Variants in PCDHGB7 observed in about 807,000 individuals in gnomAD.
The protein encoded by PCDHGB7 is protocadherin gamma subfamily B, 7.
In PCDHGB7, 37 loss-of-function variants were observed where a neutral mutation model predicts 61.4. The ratio of observed to expected loss-of-function variants is 0.60; its 90% confidence interval spans 0.46 to 0.79. The LOEUF (loss-of-function observed/expected upper bound fraction) is 0.79, where lower values mean the gene tolerates loss of function less well. Ranked by LOEUF, PCDHGB7 falls within the 30% of genes least tolerant of loss-of-function variation. PCDHGB7 has a pLI of 0.00. For missense variants in PCDHGB7, 1,166 were observed against 1,202.5 expected, an observed-to-expected ratio of 0.97 and a Z score of 0.45; for synonymous variants, 464 against 503.5, an observed-to-expected ratio of 0.92 and a Z score of 1.05.
At chr5:141,494,075 C>T (rs1482844644) in intron 1 of PCDHGB7, among the ~76,000 whole-genome samples, 7 of 152,322 alleles carry the variant, frequency 4.6e-5, no homozygotes, top group East Asian at 1.9e-4. Context: ...GATCCCTCCC[C>T]GCTGCATCCC....
At chr5:141,494,979 T>C in intron 2 of PCDHGB7, 114 bp downstream of exon 2, 1 of 1,571,464 alleles carries the variant, frequency 6.4e-7, no homozygotes, top group Admixed American at 1.8e-5. Flanking sequence ...TCCCTCAGTT[T>C]GAGATCCCAG....
At position 141,430,831 on chromosome 5, in the gene PCDHGB7, G is replaced by A; in HGVS notation, c.2415+10557G>A. ...TGGGAATCCTCCTGGGGACTCTGTGGGAGACCGGATGCACCCAGATACGCT... is the reference window on the plus strand; with the variant it reads ...TGGGAATCCTCCTGGGGACTCTGTGAGAGACCGGATGCACCCAGATACGCT... On this transcript the variant is annotated intron_variant, in intron 1 of 3. Coordinates refer to ENST00000398594, the MANE Select transcript of PCDHGB7 (RefSeq NM_018927.4). 3 of 1,555,334 alleles carry A rather than the reference G, an allele frequency of 1.9e-6. No individual in the cohort carries two copies. In the South Asian group the frequency reaches 3.8e-5, roughly 19 times the overall value.
intron 1 of PCDHGB7, chr5:141,423,616 G>A: frequency 6.2e-7 from 1 of 1,609,594 alleles, no homozygotes; most frequent in Admixed American, 1.7e-5. Context: ...GATAGCTGAA[G>A]ACTCAGCTAT....
chr5:141,491,714 C>T lies in PCDHGB7; in HGVS notation c.2416-3093C>T, dbSNP rs1321811999. 2 of 1,608,744 alleles carry T rather than the reference C, an allele frequency of 1.2e-6. No individual in the cohort carries two copies. Among genetic ancestry groups the T allele is most frequent in the Non-Finnish European group, 1.7e-6 (2 of 1,177,916 alleles). The stretch of plus-strand genomic sequence containing the variant: ...GAGCGGAGCCAGGTGAGGGGCTCGG[C>T]GCCGCCCCGGGCGACCCCTGGGGGC... On this transcript the variant is annotated intron_variant, in intron 1 of 3. Coordinates refer to ENST00000398594, the MANE Select transcript of PCDHGB7 (RefSeq NM_018927.4). The surrounding 1 kb of genome is among the most constrained non-coding windows in gnomAD (Gnocchi z 6.9).
rs2099388737 is a variant in PCDHGB7 at position 141,476,307 on chromosome 5, G to T, written c.2416-18500G>T. 1 of 1,613,606 alleles carries T rather than the reference G, an allele frequency of 6.2e-7. No individual in the cohort carries two copies. The highest frequency in any genetic ancestry group is 1.3e-5 in the African/African-American group (1 of 74,728). ...TTGGATCTCGGTAGCCTCTCAGCCC[G>T]CAGGTTCCGGGTGGTGTCTGGAGCT... On this transcript the variant is annotated intron_variant, in intron 1 of 3. Coordinates refer to ENST00000398594, the MANE Select transcript of PCDHGB7 (RefSeq NM_018927.4). The surrounding 1 kb of genome is among the most constrained non-coding windows in gnomAD (Gnocchi z 7.6).
At position 141,432,325 on chromosome 5, in the gene PCDHGB7, C is replaced by T. The variant is rs752180978; in HGVS notation, c.2415+12051C>T. ...TGTATGCGCTGAGCTCCTTCGACTACGAGCAGTTCCGAGACTTGCAAGTGA... is the reference window on the plus strand; with the variant it reads ...TGTATGCGCTGAGCTCCTTCGACTATGAGCAGTTCCGAGACTTGCAAGTGA... On this transcript the variant is annotated intron_variant, in intron 1 of 3. Coordinates refer to ENST00000398594, the MANE Select transcript of PCDHGB7 (RefSeq NM_018927.4). The surrounding 1 kb of genome is among the most constrained non-coding windows in gnomAD (Gnocchi z 6.0). 68 of 1,614,142 alleles carry T rather than the reference C, an allele frequency of 4.2e-5. No individual in the cohort carries two copies. Among genetic ancestry groups the T allele is most frequent in the Non-Finnish European group, 5.2e-5 (61 of 1,180,050 alleles).
At chr5:141,423,367 G>A (rs1478466218) in intron 1 of PCDHGB7, 2 of 1,614,068 alleles carry the variant, frequency 1.2e-6, no homozygotes, top group Admixed American at 1.7e-5. Context: ...CGTGCTGCTG[G>A]CACTCAGGCT....
intron 1 of PCDHGB7, among the ~76,000 whole-genome samples, chr5:141,484,685 T>G (rs2099599013): frequency 6.6e-6 from 1 of 151,934 alleles, no homozygotes; most frequent in Non-Finnish European, 1.5e-5. Flanking sequence ...TTGCTAGGGC[T>G]CAGGCTGTGG....
In PCDHGB7 at chr5:141,490,084, G is replaced by A. The variant is rs772917260; in HGVS notation, c.2416-4723G>A. The A allele has an allele frequency of 4.3e-6, 7 of 1,614,104 alleles. No individual in the cohort carries two copies. ...CAACGGCCAACTAGACTATTCTTTT[G>A]GAGACCACACATCTGAGGCAGTGCG... On this transcript the variant is annotated intron_variant, in intron 1 of 3. Transcript: ENST00000398594. The surrounding 1 kb of genome is among the most constrained non-coding windows in gnomAD (Gnocchi z 5.4).
rs2096147308 is a variant in PCDHGB7 at position 141,417,682 on chromosome 5, AAAAG to A, written c.-174_-171del. 2 of 1,035,494 alleles carry A rather than the reference AAAAG, an allele frequency of 1.9e-6. No homozygotes were observed. The highest frequency in any genetic ancestry group is 2.7e-6 in the Non-Finnish European group (2 of 741,808). The allele number at this position is 1,035,494 out of a possible 1,614,324, so 64.1% of individuals were successfully genotyped here. On this transcript the variant is annotated 5_prime_UTR_variant, in exon 1 of 4. Coordinates refer to ENST00000398594, the MANE Select transcript of PCDHGB7 (RefSeq NM_018927.4). ...GGATTCCCTGCGCAGCCAACAACAGAAAAGAAAACCAGCTCCCACACAGAGGCTC... is the reference window on the plus strand; with the variant it reads ...GGATTCCCTGCGCAGCCAACAACAGAAAAACCAGCTCCCACACAGAGGCTC...
chr5:141,432,133 C>T lies in PCDHGB7; in HGVS notation c.2415+11859C>T, dbSNP rs1468632362. The stretch of plus-strand genomic sequence containing the variant: ...CGGTCTTCCCTCAGGCCTCCTATTC[C>T]GCTTATATCCCAGAGAACAATCCCA... On this transcript the variant is annotated intron_variant, in intron 1 of 3. Transcript: ENST00000398594. This position sits in a 1 kb window ranked among gnomAD's most constrained non-coding sequence, Gnocchi z 6.0. 9 of 1,614,142 alleles carry T rather than the reference C, an allele frequency of 5.6e-6. No homozygotes were observed. The highest frequency in any genetic ancestry group is 1.6e-4 in the Middle Eastern group (1 of 6,062).
At chr5:141,482,862 A>G (rs1169526338) in intron 1 of PCDHGB7, among the ~76,000 whole-genome samples, 1 of 152,180 alleles carries the variant, frequency 6.6e-6, no homozygotes, top group Non-Finnish European at 1.5e-5. Context: ...ACTTGAGGTC[A>G]GGAGTTTGAA....
At chr5:141,442,629 A>G (rs959326665) in intron 1 of PCDHGB7, among the ~76,000 whole-genome samples, 2 of 152,248 alleles carry the variant, frequency 1.3e-5, no homozygotes, top group African/African-American at 4.8e-5. Context: ...TTCTAGCAGC[A>G]AGACCAAAGG....
intron 1 of PCDHGB7, among the ~76,000 whole-genome samples, chr5:141,444,476 C>A (rs1228271706): frequency 6.6e-6 from 1 of 152,088 alleles, no homozygotes; most frequent in Non-Finnish European, 1.5e-5. Flanking sequence ...CGGTCGCGTA[C>A]TGGATTTATA....
chr5:141,476,523 C>G lies in PCDHGB7; in HGVS notation c.2416-18284C>G. On this transcript the variant is annotated intron_variant, in intron 1 of 3. Transcript: ENST00000398594. This position sits in a 1 kb window ranked among gnomAD's most constrained non-coding sequence, Gnocchi z 7.6. ...ATCAACGACAACAATCCTGCTTTCC[C>G]TACCCAGGAAATGAAATTGGAGATT... is the stretch of plus-strand genomic sequence containing the variant. 1 of 1,614,218 alleles carries G rather than the reference C, an allele frequency of 6.2e-7. No individual in the cohort carries two copies.
rs138031063 is a variant in PCDHGB7 at position 141,447,985 on chromosome 5, C to T, written c.2415+27711C>T. Among the ~76,000 whole-genome samples the T allele has an allele frequency of 3.9e-3, 591 of 152,010 alleles. 6 individuals are homozygous for T. The highest frequency in any genetic ancestry group is 0.011 in the Admixed American group (170 of 15,260). On this transcript the variant is annotated intron_variant, in intron 1 of 3. Transcript: ENST00000398594. ...CCTATAATCCCAGCTACTCGGGAGG[C>T]TGAGGCATGAGAATCGCTTGAACCC...
chr5:141,417,913 T>A lies in PCDHGB7; in HGVS notation c.54T>A (p.Phe18Leu), dbSNP rs749352432. 1.2e-6 allele frequency: 2 copies of A among 1,601,944 alleles called. No homozygotes were observed. Among genetic ancestry groups the A allele is most frequent in the African/African-American group, 1.3e-5 (1 of 74,778 alleles). ...GGGCCGGCCCGCGGCAGGTACTATT[T>A]CCTTTGCTGCTGCCTTTGTTCTACC... ...RRRAGPRQVL[F>L]PLLLPLFYPT... is the part of the protein sequence containing the mutation. Residue 18 changes from phenylalanine (F) to leucine (L), a missense_variant, in exon 1 of 4, where the codon TTT becomes TTA. By Grantham distance (22) the Phe-to-Leu change is conservative (BLOSUM62 0). Transcript: ENST00000398594.
rs1310685846 is a variant in PCDHGB7, at chr5:141,423,037, T to C, written c.2415+2763T>C. ...GGACAAAGATTCAGGCCAGAACGCCTGGCTGTCCTATCGCCTGCTTAAGGC... is the reference window on the plus strand; with the variant it reads ...GGACAAAGATTCAGGCCAGAACGCCCGGCTGTCCTATCGCCTGCTTAAGGC... On this transcript the variant is annotated intron_variant, in intron 1 of 3. Transcript: ENST00000398594. 5 of 1,614,086 alleles carry C rather than the reference T, an allele frequency of 3.1e-6. No homozygotes were observed. In the African/African-American group the frequency reaches 5.3e-5, roughly 17 times the overall value.
At chr5:141,498,971 GGGAAGGAA>G (rs201769957) in intron 2 of PCDHGB7, among the ~76,000 whole-genome samples, 18,877 of 110,786 alleles carry the variant, frequency 0.17, 1,784 homozygotes, top group Admixed American at 0.31. Context: ...GAGGGAGGGA[GGGAAGGAA>G]GGAAGGAAGG....
Sources: gnomAD v4.1 joint callset for allele counts (sites outside exome capture counted in the v4.1 genomes callset) on GRCh38, gnomAD v4.1.1 for gene constraint, Gnocchi (gnomAD v3.1) non-coding constraint, MANE v1.5 for transcripts, NCBI Gene and HGNC (gene_info 2026-07-23, HGNC 2026-07-21) for gene names.